The following CLINT1 variants were observed in gnomAD, a reference collection of about 807,000 sequenced individuals.
The protein encoded by CLINT1 is clathrin interacting protein localized in the trans-Golgi region.
CLINT1 carries 15 observed loss-of-function variants against 70.4 expected under a neutral mutation model. The ratio of observed to expected loss-of-function variants is 0.21; its 90% CI spans 0.14 to 0.33. CLINT1 has a LOEUF of 0.33. Among genes scored for constraint, CLINT1 ranks in the 10% least tolerant of loss-of-function variants. The pLI is 1.00. For synonymous variants in CLINT1, 227 were observed against 254.7 expected (o/e 0.89, Z 1.04); for missense variants, 615 against 778.1 (o/e 0.79, Z 2.49).
chr5:157,842,941 T>C (rs138235984), intron 1 of CLINT1, among the ~76,000 whole-genome samples: 28 of 152,314 alleles, frequency 1.8e-4, no homozygotes, highest in African/African-American at 6.5e-4. Flanking sequence ...AGTTAATCGA[T>C]TTTGTTTTAT....
chr5:157,855,176 C>T (rs1402004967), intron 1 of CLINT1, among the ~76,000 whole-genome samples: 1 of 127,526 alleles, frequency 7.8e-6, no homozygotes, highest in Non-Finnish European at 1.6e-5. Context: ...GGGCGGGTCA[C>T]TGATGAAAGA....
chr5:157,811,609 A>G (rs1407605955), intron 5 of CLINT1, among the ~76,000 whole-genome samples: 1 of 152,182 alleles, frequency 6.6e-6, no homozygotes, highest in Non-Finnish European at 1.5e-5. Context: ...AACATAAACC[A>G]TGAACAATAA....
At chr5:157,850,815 G>A (rs1753547544) in intron 1 of CLINT1, among the ~76,000 whole-genome samples, 1 of 151,694 alleles carries the variant, frequency 6.6e-6, no homozygotes, top group Non-Finnish European at 1.5e-5. Flanking sequence ...TTTTTTTAGA[G>A]ACAAAGTTTC....
chr5:157,839,166 C>A (rs1220042645), intron 1 of CLINT1, among the ~76,000 whole-genome samples: 3 of 152,128 alleles, frequency 2.0e-5, no homozygotes, highest in Admixed American at 1.3e-4. Flanking sequence ...GAGGTCAAGG[C>A]TATAGTGGGC....
intron 1 of CLINT1, among the ~76,000 whole-genome samples, chr5:157,833,033 G>A (rs900677023): frequency 6.6e-6 from 1 of 152,070 alleles, no homozygotes; most frequent in Non-Finnish European, 1.5e-5. Flanking sequence ...TTTAAATCTA[G>A]TAAAGGCTTC....
At chr5:157,791,598 A>C (rs1181954815) in intron 10 of CLINT1, 105 bp downstream of exon 10, 14 of 1,058,872 alleles carry the variant, frequency 1.3e-5, no homozygotes, top group Non-Finnish European at 1.9e-5. Context: ...CATACACATA[A>C]AAAGGACTTG....
intron 1 of CLINT1, among the ~76,000 whole-genome samples, chr5:157,836,008 T>C (rs1486125113): frequency 1.3e-5 from 2 of 152,230 alleles, no homozygotes; most frequent in Admixed American, 6.5e-5. Flanking sequence ...TTCTTTTATA[T>C]AGACAATTTT....
At chr5:157,813,322 T>C (rs573608280) in intron 4 of CLINT1, 95 bp from the exon 5 acceptor site, 357 of 1,127,012 alleles carry the variant, frequency 3.2e-4, no homozygotes, top group Non-Finnish European at 3.9e-4. Context: ...AACTTCAACA[T>C]AAGAAACTTC....
At chr5:157,857,119 T>C (rs541669660) in intron 1 of CLINT1, among the ~76,000 whole-genome samples, 1 of 151,786 alleles carries the variant, frequency 6.6e-6, no homozygotes, top group South Asian at 2.1e-4. Context: ...CGGTGATGCA[T>C]GCCTGTAGTC....
intron 10 of CLINT1, among the ~76,000 whole-genome samples, chr5:157,791,287 T>C (rs1761894532): frequency 6.6e-6 from 1 of 152,194 alleles, no homozygotes; most frequent in Non-Finnish European, 1.5e-5. Context: ...CTTGATCTCC[T>C]GACCAAGTGA....
intron 1 of CLINT1, among the ~76,000 whole-genome samples, chr5:157,851,201 A>G (rs902729658): frequency 2.0e-5 from 3 of 152,224 alleles, no homozygotes; most frequent in Non-Finnish European, 4.4e-5. Context: ...TTTTTCTACT[A>G]TAAAAATATA....
chr5:157,787,474 C>A lies in CLINT1; in HGVS notation c.*172G>T. 1.6e-6 allele frequency: 1 copy of A among 637,714 alleles called. No homozygotes were observed. The highest frequency in any genetic ancestry group is 2.0e-5 in the South Asian group (1 of 50,302). The allele number at this position is 637,714 out of a possible 1,614,324, so 39.5% of individuals were successfully genotyped here. A position where few individuals can be genotyped will look rare whatever the true frequency, so the allele number is the denominator to read the frequency against. ...CTCATCTGAAGTGCTCTTGCCTGGC[C>A]CTCTGAAATACTGGATATTTCACTT... On this transcript the variant is annotated 3_prime_UTR_variant, in exon 12 of 12. Transcript: ENST00000411809.
At chr5:157,852,752 C>G (rs1186998) in intron 1 of CLINT1, among the ~76,000 whole-genome samples, 110,157 of 152,148 alleles carry the variant, frequency 0.72, 40,421 homozygotes, top group African/African-American at 0.8. Flanking sequence ...GCTATTCCCA[C>G]ATTTATTAAA....
chr5:157,793,926 T>C (rs1408880997), intron 9 of CLINT1, among the ~76,000 whole-genome samples: 2 of 152,120 alleles, frequency 1.3e-5, no homozygotes, highest in African/African-American at 2.4e-5. Context: ...GTAACAACAC[T>C]AACTCAGTCA....
intron 8 of CLINT1, among the ~76,000 whole-genome samples, chr5:157,799,393 A>G (rs1762150495): frequency 6.6e-6 from 1 of 152,126 alleles, no homozygotes; most frequent in Non-Finnish European, 1.5e-5. Flanking sequence ...ATGTAAATGT[A>G]ATACACATTT....
In CLINT1 at chr5:157,787,664, G is replaced by C. The variant is rs184795188; in HGVS notation, c.1860C>G (p.Phe620Leu). ...CAATCTCTTATTTGCTAAAATTGGC[G>C]AAATTTGCAAAGGCATCTTGCTTGG... ...VQPKQDAFAN[F>L]ANFSK The change falls in exon 12 of 12, where the codon TTC becomes TTG. Residue 620 changes from phenylalanine (F) to leucine (L), a missense_variant. By Grantham distance (22) the Phe-to-Leu change is conservative. Around this residue, in one of 2 missense-constraint regions of CLINT1, gnomAD observed 374 missense variants for 409.6 expected, o/e 0.91. Transcript: ENST00000411809. 5 of 1,612,902 alleles carry C rather than the reference G, an allele frequency of 3.1e-6. No individual in the cohort carries two copies. Among genetic ancestry groups the C allele is most frequent in the Non-Finnish European group, 3.4e-6 (4 of 1,179,262 alleles).
chr5:157,818,606 C>T (rs867061949), intron 1 of CLINT1, among the ~76,000 whole-genome samples: 16 of 151,736 alleles, frequency 1.1e-4, no homozygotes, highest in Non-Finnish European at 1.5e-4. Context: ...CCATGACCGC[C>T]CAACTGTACC....
chr5:157,826,760 G>A (rs1197813055), intron 1 of CLINT1, among the ~76,000 whole-genome samples: 1 of 152,128 alleles, frequency 6.6e-6, no homozygotes, highest in Non-Finnish European at 1.5e-5. Context: ...TGGTTTCATA[G>A]CAGGAAATGT....
intron 9 of CLINT1, among the ~76,000 whole-genome samples, chr5:157,792,360 G>A (rs1321145688): frequency 6.6e-6 from 1 of 151,974 alleles, no homozygotes; most frequent in African/African-American, 2.4e-5. Flanking sequence ...ATCCTGTCTA[G>A]CACGGTGAAA....
Sources: gnomAD v4.1 joint callset for allele counts (sites outside exome capture counted in the v4.1 genomes callset) on GRCh38, gnomAD v4.1.1 for gene constraint, gnomAD v4.1.1 regional missense constraint, MANE v1.5 for transcripts, NCBI Gene and HGNC (gene_info 2026-07-23, HGNC 2026-07-21) for gene names.